Variants in STON2 observed in about 807,000 individuals in gnomAD.
STON2 encodes stonin 2.
In STON2, 29 loss-of-function variants were observed where a neutral mutation model predicts 65.7. The ratio of observed to expected loss-of-function variants is 0.44; its 90% CI spans 0.33 to 0.60. The LOEUF (loss-of-function observed/expected upper bound fraction) is 0.60. STON2 is among the 20% of genes least tolerant of loss of function. STON2 has a pLI of 0.03. For synonymous variants in STON2, 404 were observed against 414.2 expected (o/e 0.98, Z 0.30); for missense variants, 1,054 against 1,118.1 (o/e 0.94, Z 0.82).
At chr14:81,411,867 G>GCAGAGTTAA (rs754637724) in intron 2 of STON2, among the ~76,000 whole-genome samples, 2 of 141,816 alleles carry the variant, frequency 1.4e-5, no homozygotes, top group African/African-American at 5.7e-5. Flanking sequence ...GTTAAGACAA[G>GCAGAGTTAA]GAATAACAAG....
At chr14:81,329,380 A>G (rs1041828578) in intron 4 of STON2, among the ~76,000 whole-genome samples, 7 of 151,038 alleles carry the variant, frequency 4.6e-5, no homozygotes, top group African/African-American at 1.7e-4. Context: ...GCATGAACCC[A>G]GGAGGTGAAG....
At chr14:81,414,522 C>A (rs1901326773) in intron 2 of STON2, among the ~76,000 whole-genome samples, 1 of 152,030 alleles carries the variant, frequency 6.6e-6, no homozygotes, top group South Asian at 2.1e-4. Context: ...CAAGGGCATG[C>A]ATGAGTTAGA....
intron 5 of STON2, among the ~76,000 whole-genome samples, chr14:81,313,385 T>C (rs2140220328): frequency 6.6e-6 from 1 of 152,270 alleles, no homozygotes; most frequent in East Asian, 1.9e-4. Flanking sequence ...TTCTGTCGTT[T>C]AGTGAATGTT....
rs1277868399 is a variant in STON2, at chr14:81,262,578, G to C, written c.*5836C>G. The C allele has an allele frequency of 4.3e-5, 42 of 985,070 alleles. No homozygotes were observed. Among genetic ancestry groups the C allele is most frequent in the Non-Finnish European group, 5.1e-5 (42 of 829,876 alleles). 61.0% of individuals were successfully genotyped at this position (985,070 alleles called of 1,614,324 possible). On this transcript the variant is annotated 3_prime_UTR_variant, in exon 8 of 8. Coordinates refer to ENST00000614646, the MANE Select transcript of STON2 (RefSeq NM_001394390.1). ...TTTTCATATTGAAATTCTTTTTTTA[G>C]TCTATTCTCTTGTAGCTTTTGTTAC...
chr14:81,368,236 C>T (rs1397141052), intron 4 of STON2, among the ~76,000 whole-genome samples: 2 of 152,148 alleles, frequency 1.3e-5, no homozygotes, highest in Admixed American at 6.6e-5. Flanking sequence ...AAATTCAGGT[C>T]ATCCATTTCT....
chr14:81,279,718 C>T (rs948533789), intron 5 of STON2, among the ~76,000 whole-genome samples: 22 of 151,284 alleles, frequency 1.5e-4, no homozygotes, highest in African/African-American at 5.1e-4. Context: ...AAAAAAAAAT[C>T]AGTGAAGATT....
chr14:81,414,186 G>GT (rs1901307774), intron 2 of STON2, among the ~76,000 whole-genome samples: 1 of 142,474 alleles, frequency 7.0e-6, no homozygotes, highest in Admixed American at 7.0e-5. Flanking sequence ...TGGGAGTAAA[G>GT]TAAGCATTTC....
chr14:81,404,498 A>C (rs1304699930), upstream of STON2, among the ~76,000 whole-genome samples: 3 of 152,154 alleles, frequency 2.0e-5, no homozygotes, highest in Non-Finnish European at 4.4e-5. Flanking sequence ...TAAGTAGCCC[A>C]CACTATATTT....
chr14:81,389,095 C>G (rs1430605681), intron 3 of STON2, among the ~76,000 whole-genome samples: 1 of 152,072 alleles, frequency 6.6e-6, no homozygotes, highest in African/African-American at 2.4e-5. Flanking sequence ...GACATCCGAT[C>G]AGAAAGTATG....
At chr14:81,386,587 T>A (rs1157617367) in intron 3 of STON2, among the ~76,000 whole-genome samples, 1 of 152,186 alleles carries the variant, frequency 6.6e-6, no homozygotes, top group Non-Finnish European at 1.5e-5. Flanking sequence ...GGAATACTAG[T>A]GTTTTGCTTG....
At chr14:81,338,927 G>A (rs955367241) in intron 4 of STON2, among the ~76,000 whole-genome samples, 2 of 152,170 alleles carry the variant, frequency 1.3e-5, no homozygotes, top group Non-Finnish European at 2.9e-5. Flanking sequence ...GCTGAACCTG[G>A]ACAGAAAAGC....
intron 3 of STON2, among the ~76,000 whole-genome samples, chr14:81,377,609 G>C (rs1041895546): frequency 4.6e-5 from 7 of 152,152 alleles, no homozygotes; most frequent in African/African-American, 1.7e-4. Context: ...CAAAGTGGTT[G>C]TACCATTTTA....
chr14:81,374,174 C>A (rs1184659397), intron 3 of STON2, among the ~76,000 whole-genome samples: 1 of 151,020 alleles, frequency 6.6e-6, no homozygotes, highest in African/African-American at 2.4e-5. Flanking sequence ...CCATGCCCGG[C>A]CGATTTTTTT....
chr14:81,348,246 C>G (rs1897894283), intron 4 of STON2, among the ~76,000 whole-genome samples: 1 of 152,068 alleles, frequency 6.6e-6, no homozygotes, highest in Admixed American at 6.6e-5. Flanking sequence ...CATCATAGTA[C>G]TGGAAGTCCT....
chr14:81,291,865 A>G (rs1460107732), intron 5 of STON2, among the ~76,000 whole-genome samples: 1 of 104,080 alleles, frequency 9.6e-6, no homozygotes, highest in African/African-American at 4.6e-5. Flanking sequence ...GGGTACACAC[A>G]CACACACACA....
chr14:81,293,563 C>T lies in STON2; in HGVS notation c.743-14824G>A, dbSNP rs61978894. 9.1e-4 allele frequency among the ~76,000 whole-genome samples: 138 copies of T among 152,272 alleles called. 3 individuals are homozygous for T. In the East Asian group the frequency reaches 0.026, roughly 29 times the overall value. On this transcript the variant is annotated intron_variant, in intron 5 of 7. Transcript: ENST00000614646. ...GATTCTTCCTCCTTCTCTATCTGTA[C>T]TCTTGGGCAGCTGCCTCCCACTCCG...
intron 1 of STON2, among the ~76,000 whole-genome samples, chr14:81,431,243 T>C (rs192445948): frequency 1.3e-5 from 2 of 152,322 alleles, no homozygotes; most frequent in East Asian, 3.9e-4. Flanking sequence ...AAGGTATGAC[T>C]TGTCTCTCAA....
intron 2 of STON2, among the ~76,000 whole-genome samples, chr14:81,397,985 T>G (rs1900408778): frequency 6.6e-6 from 1 of 152,194 alleles, no homozygotes; most frequent in South Asian, 2.1e-4. Context: ...ACAACTACTT[T>G]TAATAACTAC....
At chr14:81,308,881 CTAAAGGGTTGTGGCAGGATTTGAG>C (rs1566901465) in intron 5 of STON2, among the ~76,000 whole-genome samples, 2,193 of 21,944 alleles carry the variant, frequency 0.1, 208 homozygotes, top group African/African-American at 0.29. Flanking sequence ...CATACATACA[CTAAAGGGTTGTGGCAGGATTTGAG>C]ACAGAAAGGC....
Sources: gnomAD v4.1 joint callset for allele counts (sites outside exome capture counted in the v4.1 genomes callset) on GRCh38, gnomAD v4.1.1 for gene constraint, MANE v1.5 for transcripts, NCBI Gene and HGNC (gene_info 2026-07-23, HGNC 2026-07-21) for gene names.